Variants in DAGLB observed in about 807,000 individuals in gnomAD.
DAGLB encodes diacylglycerol lipase-beta.
A neutral mutation model predicts 72.1 loss-of-function variants in DAGLB; 66 were observed. The observed-to-expected ratio is 0.92, with a 90% CI of 0.75 to 1.12. DAGLB has a LOEUF of 1.12. DAGLB is among the 50% of genes most tolerant of loss of function. DAGLB has a pLI of 0.00. For synonymous variants in DAGLB, 414 were observed against 359.5 expected (o/e 1.15, Z -1.71); for missense variants, 1,065 against 884.9 (o/e 1.20, Z -2.58).
rs757413705 is a variant in DAGLB, at chr7:6,435,016, T to C, written c.424A>G (p.Ile142Val). Reference sequence around the variant, plus strand: ...GAAACCACTGTGGCAGCGATGATGATCCAACTGCAAGACAGAGAGAGGAAA... The same window carrying C: ...GAAACCACTGTGGCAGCGATGATGACCCAACTGCAAGACAGAGAGAGGAAA... ...GIIATVVVSW[I>V]IIAATVVSII... Residue 142 changes from isoleucine (I) to valine (V), a missense_variant, in exon 4 of 15, where the codon ATC (isoleucine) becomes GTC (valine). Ile to Val is a conservative substitution (Grantham distance 29). Transcript: ENST00000297056. 6 of 1,612,978 alleles carry C rather than the reference T, an allele frequency of 3.7e-6. No homozygotes were observed. Among genetic ancestry groups the C allele is most frequent in the South Asian group, 2.2e-5 (2 of 91,014 alleles).
At position 6,447,837 on chromosome 7, in the gene DAGLB, C is replaced by A; in HGVS notation, c.6G>T (p.Pro2=). Residue 2 remains proline, a synonymous_variant, in exon 1 of 15, where the codon CCG becomes CCT. Coordinates refer to ENST00000297056, the MANE Select transcript of DAGLB (RefSeq NM_139179.4). ...AGCGCCGGCCGAAGAGTACCATCCC[C>A]GGCATGGCGAAGGTCCCGTAGCTCG... The part of the protein sequence containing the change: M[P]GMVLFGRRWA... 1 of 1,611,154 alleles carries A rather than the reference C, an allele frequency of 6.2e-7. No homozygotes were observed. Among genetic ancestry groups the A allele is most frequent in the East Asian group, 2.2e-5 (1 of 44,704 alleles).
At chr7:6,429,906 T>A (rs1784425204) in intron 6 of DAGLB, among the ~76,000 whole-genome samples, 1 of 151,804 alleles carries the variant, frequency 6.6e-6, no homozygotes, top group Non-Finnish European at 1.5e-5. Flanking sequence ...TAGCCAGCAG[T>A]GGTGGCGGGC....
chr7:6,411,093 C>G (rs752467719), intron 13 of DAGLB, among the ~76,000 whole-genome samples: 4 of 151,884 alleles, frequency 2.6e-5, no homozygotes, highest in Non-Finnish European at 5.9e-5. Context: ...ACCGTGGTCT[C>G]TATCTCCTGA....
At chr7:6,417,103 C>T (rs1337475041) in intron 9 of DAGLB, 182 bp from the exon 10 acceptor site, 22 of 661,444 alleles carry the variant, frequency 3.3e-5, no homozygotes, top group South Asian at 3.8e-5. Flanking sequence ...CAGCGCCTGA[C>T]GTGAAGCAGG....
intron 6 of DAGLB, among the ~76,000 whole-genome samples, chr7:6,428,801 ATATT>A (rs1399777521): frequency 5.9e-5 from 9 of 151,626 alleles, no homozygotes; most frequent in Non-Finnish European, 1.0e-4. Context: ...ATAGACATAT[ATATT>A]TATTTAATTT....
intron 2 of DAGLB, among the ~76,000 whole-genome samples, chr7:6,439,373 C>A (rs1364212184): frequency 3.3e-5 from 5 of 152,110 alleles, no homozygotes; most frequent in Non-Finnish European, 7.3e-5. Context: ...TCGCTGGCCC[C>A]ATAACCGACA....
chr7:6,409,808 G>C lies in DAGLB; in HGVS notation c.*29C>G. On this transcript the variant is annotated 3_prime_UTR_variant, in exon 15 of 15. Transcript: ENST00000297056. ...TTAAGGACAAAAGCGTGAGTCCATC[G>C]TTCCTGGGACAGTTTCCAGTGGCCC... 1 of 1,605,572 alleles carries C rather than the reference G, an allele frequency of 6.2e-7. No homozygotes were observed. The highest frequency in any genetic ancestry group is 1.3e-5 in the African/African-American group (1 of 74,720).
chr7:6,428,635 T>C (rs1784386978), intron 6 of DAGLB, among the ~76,000 whole-genome samples: 1 of 151,612 alleles, frequency 6.6e-6, no homozygotes, highest in South Asian at 2.1e-4. Flanking sequence ...TACAGGTGTG[T>C]GCAACCATGT....
chr7:6,409,980 A>C lies in DAGLB; in HGVS notation c.1876T>G (p.Phe626Val). The change falls in exon 15 of 15, where the codon TTC (phenylalanine) becomes GTC (valine). Residue 626 changes from phenylalanine to valine, a missense_variant. By Grantham distance (50) the Phe-to-Val change is conservative. Transcript: ENST00000297056. ...TTCGGACCTATGAGTATTTTGCTGA[A>C]TTCCGCTTCGTGTGACCACTTGGCG... ...YSAKWSHEAE[F>V]SKILIGPKML... The C allele has an allele frequency of 6.2e-7, 1 of 1,614,158 alleles. No homozygotes were observed. The highest frequency in any genetic ancestry group is 8.5e-7 in the Non-Finnish European group (1 of 1,180,040).
At chr7:6,435,114 C>G in intron 3 of DAGLB, 94 bp from the exon 4 acceptor site, 2 of 1,536,514 alleles carry the variant, frequency 1.3e-6, no homozygotes, top group African/African-American at 1.4e-5. Flanking sequence ...GTTTCTGAGT[C>G]TCTACCACGG....
intron 8 of DAGLB, chr7:6,422,528 C>A (rs1406840364): frequency 1.3e-5 from 2 of 155,246 alleles, no homozygotes; most frequent in African/African-American, 4.8e-5. Context: ...GAAACACAAA[C>A]TTGATGTTAA....
At position 6,416,680 on chromosome 7, in the gene DAGLB, G is replaced by T; in HGVS notation, c.1374C>A (p.Ala458=). The change falls in exon 11 of 15, where the codon GCC becomes GCA. Residue 458 remains alanine (A), a synonymous_variant. Transcript: ENST00000297056. ...AAALLATMLR[A]AYPQVRCYAF... ...CGTAGCACCTGACCTGCGGGTAGGC[G>T]GCTCTGAGCATGGTGGCCAGCAGGG... The T allele has an allele frequency of 6.2e-7, 1 of 1,613,700 alleles. No homozygotes were observed. The highest frequency in any genetic ancestry group is 8.5e-7 in the Non-Finnish European group (1 of 1,179,850).
In DAGLB at chr7:6,435,029, C is replaced by T. The variant is rs1554268090; in HGVS notation, c.420-9G>A. 1 of 1,612,146 alleles carries T rather than the reference C, an allele frequency of 6.2e-7. No individual in the cohort carries two copies. The highest frequency in any genetic ancestry group is 2.2e-5 in the East Asian group (1 of 44,860). ...CAGCGATGATGATCCAACTGCAAGACAGAGAGAGGAAAAGGCTCGGTGACT... is the reference window on the plus strand; with the variant it reads ...CAGCGATGATGATCCAACTGCAAGATAGAGAGAGGAAAAGGCTCGGTGACT... On this transcript the variant is annotated splice_polypyrimidine_tract_variant and intron_variant, in intron 3 of 14. Coordinates refer to ENST00000297056, the MANE Select transcript of DAGLB (RefSeq NM_139179.4).
At chr7:6,442,668 C>G (rs1019109860) in intron 2 of DAGLB, among the ~76,000 whole-genome samples, 1 of 152,208 alleles carries the variant, frequency 6.6e-6, no homozygotes, top group African/African-American at 2.4e-5. Context: ...GCATCTGGCA[C>G]CAATGACAGC....
rs1401821059 is a variant in DAGLB at position 6,424,760 on chromosome 7, A to T, written c.1132T>A (p.Ser378Thr). Residue 378 changes from serine to threonine, a missense_variant, in exon 8 of 15, where the codon TCT (serine) becomes ACT (threonine). Physicochemically the swap from Ser to Thr is moderately conservative, Grantham distance 58 (BLOSUM62 1). Coordinates refer to ENST00000297056, the MANE Select transcript of DAGLB (RefSeq NM_139179.4). The part of the protein sequence containing the change: ...SVVVAVRGTM[S>T]LQDVLTDLSA... ...TCAGGTTCCAACGTTACCTGCAGAGACATGGTCCCCCTCACAGCGACCACA... is the reference window on the plus strand; with the variant it reads ...TCAGGTTCCAACGTTACCTGCAGAGTCATGGTCCCCCTCACAGCGACCACA... The T allele has an allele frequency of 3.7e-6, 6 of 1,613,680 alleles. No individual in the cohort carries two copies. Among genetic ancestry groups the T allele is most frequent in the Non-Finnish European group, 5.1e-6 (6 of 1,179,828 alleles).
intron 2 of DAGLB, 86 bp from the exon 3 acceptor site, chr7:6,436,619 G>T: frequency 6.4e-7 from 1 of 1,559,394 alleles, no homozygotes; most frequent in East Asian, 2.2e-5. Flanking sequence ...CTTTTGCAGA[G>T]CATACATTTG....
At chr7:6,420,092 A>G (rs1784061948) in intron 9 of DAGLB, among the ~76,000 whole-genome samples, 1 of 152,108 alleles carries the variant, frequency 6.6e-6, no homozygotes, top group Non-Finnish European at 1.5e-5. Context: ...GGCTGCAGTG[A>G]GCTATGATCA....
chr7:6,426,544 A>G (rs990905704), intron 6 of DAGLB, among the ~76,000 whole-genome samples: 6 of 152,222 alleles, frequency 3.9e-5, no homozygotes, highest in African/African-American at 9.6e-5. Context: ...TGCTGGGATT[A>G]TAAGCGTGAG....
In DAGLB at chr7:6,410,186, G is replaced by C. The variant is rs746719305; in HGVS notation, c.1764C>G (p.Pro588=). ...DSPLDSSPKY[P]PLYPPGRIIH... ...TGATCCTGCCGGGAGGGTAGAGAGG[G>C]GGGTACTTGGGAGAAGAGTCCAGTG... Residue 588 remains proline (P), a synonymous_variant, in exon 14 of 15, where the codon CCC becomes CCG. Transcript: ENST00000297056. The C allele has an allele frequency of 1.4e-5, 23 of 1,596,624 alleles. 1 individual carries two copies. The highest frequency in any genetic ancestry group is 1.2e-4 in the South Asian group (11 of 89,540).
Sources: allele counts gnomAD v4.1 joint callset (sites outside exome capture counted in the v4.1 genomes callset), GRCh38; gene constraint gnomAD v4.1.1; transcripts MANE v1.5; gene names NCBI Gene and HGNC (gene_info 2026-07-23, HGNC 2026-07-21).